Variants in KIF26B observed in about 807,000 individuals in gnomAD.
KIF26B encodes kinesin-like protein KIF26B.
A neutral mutation model predicts 151.2 loss-of-function variants in KIF26B; 63 were observed. The observed-to-expected ratio is 0.42, with a 90% confidence interval of 0.34 to 0.51. The LOEUF (loss-of-function observed/expected upper bound fraction) is 0.51. KIF26B is among the 20% of genes least tolerant of loss of function. The probability of loss-of-function intolerance (pLI) is 0.07; values close to 1 mark genes in which losing one functional copy is unlikely to be tolerated. For synonymous variants in KIF26B, 1,357 were observed against 1,262.1 expected (o/e 1.08, Z -1.59); for missense variants, 2,813 against 2,913.6 (o/e 0.97, Z 0.79).
intron 11 of KIF26B, 46 bp downstream of exon 11, chr1:245,684,441 G>T (rs752596129): frequency 6.6e-7 from 1 of 1,526,652 alleles, no homozygotes; most frequent in African/African-American, 1.4e-5. Flanking sequence ...GGGAGCCTTT[G>T]GAGCCGTGCC....
chr1:245,308,649 C>T (rs76137388), intron 2 of KIF26B, among the ~76,000 whole-genome samples: 155 of 152,220 alleles, frequency 1.0e-3, no homozygotes, highest in African/African-American at 3.7e-3. Context: ...GGAGGATCAC[C>T]TGAGCTGAGG....
chr1:245,395,174 G>A (rs1476441836), intron 3 of KIF26B, among the ~76,000 whole-genome samples: 1 of 152,132 alleles, frequency 6.6e-6, no homozygotes, highest in African/African-American at 2.4e-5. Context: ...TGTAATACTA[G>A]GTTCAAATGT....
At chr1:245,425,700 C>T (rs74319878) in intron 4 of KIF26B, among the ~76,000 whole-genome samples, 4,818 of 152,292 alleles carry the variant, frequency 0.032, 293 homozygotes, top group East Asian at 0.18. Context: ...CCATGGCGCC[C>T]AGCTGTGTTT....
chr1:245,307,890 GC>G (rs1476481920), intron 2 of KIF26B, among the ~76,000 whole-genome samples: 1 of 152,062 alleles, frequency 6.6e-6, no homozygotes, highest in Non-Finnish European at 1.5e-5. Flanking sequence ...ACAGGTGCCC[GC>G]CACCACGCCC....
At chr1:245,280,619 T>A (rs1402400133) in intron 2 of KIF26B, among the ~76,000 whole-genome samples, 5 of 111,764 alleles carry the variant, frequency 4.5e-5, no homozygotes, top group Admixed American at 9.6e-5. Flanking sequence ...TTTTTTTTTT[T>A]ATACTTTAAG....
intron 2 of KIF26B, among the ~76,000 whole-genome samples, chr1:245,298,395 G>T (rs1671373567): frequency 6.6e-6 from 1 of 152,186 alleles, no homozygotes; most frequent in Non-Finnish European, 1.5e-5. Flanking sequence ...TATGCCAAGT[G>T]AAATAAGCTA....
At chr1:245,364,749 T>C (rs1214935209) in intron 2 of KIF26B, among the ~76,000 whole-genome samples, 1 of 152,178 alleles carries the variant, frequency 6.6e-6, no homozygotes, top group Non-Finnish European at 1.5e-5. Flanking sequence ...CTGCCTCCTT[T>C]CTGTGGCACC....
intron 2 of KIF26B, among the ~76,000 whole-genome samples, chr1:245,346,927 TG>T (rs1672467985): frequency 6.6e-6 from 1 of 152,210 alleles, no homozygotes; most frequent in Admixed American, 6.5e-5. Context: ...TTGGAGTCCT[TG>T]ATTATCTAAT....
chr1:245,688,563 C>T lies in KIF26B; in HGVS notation c.5580C>T (p.Pro1860=). The stretch of plus-strand genomic sequence containing the variant: ...GCAAGATCACGCCCCCGCGGAGGCC[C>T]CACCGCTGCAGCAGCGGCCACGGCA... ...PYSKITPPRR[P]HRCSSGHGSD... is the part of the protein sequence containing the mutation. The change falls in exon 12 of 15, where the codon CCC becomes CCT. Residue 1860 remains proline (P), a synonymous_variant. Coordinates refer to ENST00000407071, the MANE Select transcript of KIF26B (RefSeq NM_018012.4). 1 of 1,552,492 alleles carries T rather than the reference C, an allele frequency of 6.4e-7. No homozygotes were observed. Among genetic ancestry groups the T allele is most frequent in the Admixed American group, 1.9e-5 (1 of 51,640 alleles).
chr1:245,389,012 C>G (rs1368124286), intron 3 of KIF26B, among the ~76,000 whole-genome samples: 1 of 152,194 alleles, frequency 6.6e-6, no homozygotes, highest in African/African-American at 2.4e-5. Context: ...GTCATTCTCT[C>G]AATCTGTCTC....
intron 5 of KIF26B, among the ~76,000 whole-genome samples, chr1:245,577,687 AACTCC>A (rs1339775618): frequency 2.7e-5 from 4 of 146,062 alleles, no homozygotes; most frequent in East Asian, 4.1e-4. Context: ...AGCTTTGTGG[AACTCC>A]GGGCGATGCA....
chr1:245,562,608 T>G (rs1391975753), intron 5 of KIF26B, among the ~76,000 whole-genome samples: 1 of 132,726 alleles, frequency 7.5e-6, no homozygotes, highest in Non-Finnish European at 1.6e-5. Context: ...TCCCCCATGC[T>G]CTTCTCTCTG....
intron 5 of KIF26B, among the ~76,000 whole-genome samples, chr1:245,548,241 G>T (rs1415869265): frequency 6.6e-6 from 1 of 151,966 alleles, no homozygotes; most frequent in Non-Finnish European, 1.5e-5. Flanking sequence ...TACCCTTTCA[G>T]TGCCAGCTCA....
intron 2 of KIF26B, among the ~76,000 whole-genome samples, chr1:245,300,535 T>C (rs1398277768): frequency 7.8e-6 from 1 of 128,252 alleles, no homozygotes; most frequent in Non-Finnish European, 1.6e-5. Flanking sequence ...TTCTTTTTTC[T>C]TTTTTTTTTT....
intron 2 of KIF26B, among the ~76,000 whole-genome samples, chr1:245,271,523 C>CT (rs1368871550): frequency 6.8e-6 from 1 of 148,040 alleles, no homozygotes; most frequent in Non-Finnish European, 1.5e-5. Flanking sequence ...AGGCAATTTC[C>CT]TTTTTTTCCT....
intron 5 of KIF26B, among the ~76,000 whole-genome samples, chr1:245,574,016 C>A (rs1452855901): frequency 6.6e-6 from 1 of 152,196 alleles, no homozygotes; most frequent in Admixed American, 6.5e-5. Flanking sequence ...CTAAGGTTGA[C>A]TGTGGGTAAC....
In KIF26B at chr1:245,477,880, GCC is replaced by G. The variant is rs368667888; in HGVS notation, c.1166+58138_1166+58139del. ...ATGTAATTCATATACCATAATATTT[GCC>G]CCTTTGAGGCATATAATTTACTGGT... On this transcript the variant is annotated intron_variant, in intron 4 of 14. Transcript: ENST00000407071. 3.6e-3 allele frequency among the ~76,000 whole-genome samples: 551 copies of G among 151,740 alleles called. 9 individuals carry two copies. The highest frequency in any genetic ancestry group is 0.013 in the African/African-American group (524 of 41,460).
At chr1:245,517,900 T>A (rs1572101822) in intron 4 of KIF26B, among the ~76,000 whole-genome samples, 1 of 141,062 alleles carries the variant, frequency 7.1e-6, no homozygotes, top group Admixed American at 7.4e-5. Context: ...TGAGAATGAG[T>A]CTCACTCTAT....
chr1:245,579,258 G>A (rs751456834), intron 5 of KIF26B, among the ~76,000 whole-genome samples: 4 of 152,120 alleles, frequency 2.6e-5, no homozygotes, highest in Non-Finnish European at 4.4e-5. Flanking sequence ...GAACATTCTG[G>A]AAACTTTGCA....
Sources: allele counts gnomAD v4.1 joint callset (sites outside exome capture counted in the v4.1 genomes callset), GRCh38; gene constraint gnomAD v4.1.1; transcripts MANE v1.5; gene names NCBI Gene and HGNC (gene_info 2026-07-23, HGNC 2026-07-21).